The following NAALADL2 variants were observed in gnomAD, a reference collection of about 807,000 sequenced individuals.
The protein encoded by NAALADL2 is N-acetylated alpha-linked acidic dipeptidase like 2, also known as inactive N-acetylated-alpha-linked acidic dipeptidase-like protein 2.
In NAALADL2, 76 loss-of-function variants were observed where a neutral mutation model predicts 87.2. That is an observed-to-expected ratio of 0.87 (90% CI 0.72 to 1.05). The LOEUF (loss-of-function observed/expected upper bound fraction) is 1.05. Among genes scored for constraint, NAALADL2 ranks in the 50% least tolerant of loss-of-function variants. The probability of loss-of-function intolerance (pLI) is 0.00; values close to 1 mark genes in which losing one functional copy is unlikely to be tolerated. For synonymous variants in NAALADL2, 354 were observed against 331.0 expected (o/e 1.07, Z -0.75); for missense variants, 1,089 against 945.8 (o/e 1.15, Z -1.99).
At chr3:174,957,555 T>A (rs1560411690) in intron 1 of NAALADL2, among the ~76,000 whole-genome samples, 1 of 151,890 alleles carries the variant, frequency 6.6e-6, no homozygotes, top group African/African-American at 2.4e-5. Flanking sequence ...TTCTAGAGGC[T>A]GAGAAGGAAG....
chr3:174,804,648 C>G (rs953241970), intron 3 of NAALADL2, among the ~76,000 whole-genome samples: 2 of 151,822 alleles, frequency 1.3e-5, no homozygotes, highest in Admixed American at 6.6e-5. Context: ...TCCATCAATA[C>G]CTACAGAAAT....
chr3:175,474,064 A>G (rs1725286706), intron 9 of NAALADL2, among the ~76,000 whole-genome samples: 1 of 152,110 alleles, frequency 6.6e-6, no homozygotes, highest in Non-Finnish European at 1.5e-5. Context: ...CTATGCCAAT[A>G]TCTGTTTTTT....
At chr3:174,726,763 C>G (rs1732231597) in intron 2 of NAALADL2, among the ~76,000 whole-genome samples, 1 of 152,082 alleles carries the variant, frequency 6.6e-6, no homozygotes, top group East Asian at 1.9e-4. Context: ...TTCTCAGTGG[C>G]TCATCTTCAC....
intron 13 of NAALADL2, among the ~76,000 whole-genome samples, chr3:175,757,022 G>A (rs1022776574): frequency 5.3e-5 from 8 of 151,382 alleles, no homozygotes; most frequent in Non-Finnish European, 1.0e-4. Flanking sequence ...GTGTGTGTTT[G>A]TGTGTATGTG....
At chr3:175,067,479 C>T (rs755902103) in intron 1 of NAALADL2, among the ~76,000 whole-genome samples, 4 of 152,010 alleles carry the variant, frequency 2.6e-5, no homozygotes, top group Admixed American at 6.6e-5. Flanking sequence ...GGCCAACAGA[C>T]GTATGAAAAC....
At chr3:175,457,918 G>C (rs544145487) in intron 6 of NAALADL2, among the ~76,000 whole-genome samples, 2 of 151,926 alleles carry the variant, frequency 1.3e-5, no homozygotes, top group South Asian at 2.1e-4. Context: ...ACACATGCCA[G>C]TATTGAGTCA....
intron 5 of NAALADL2, among the ~76,000 whole-genome samples, chr3:175,378,202 C>G (rs1203716053): frequency 6.6e-6 from 1 of 151,694 alleles, no homozygotes; most frequent in East Asian, 1.9e-4. Flanking sequence ...AGCACTCACC[C>G]TGGCTCCTGC....
At chr3:174,776,205 C>T (rs1715193653) in intron 3 of NAALADL2, among the ~76,000 whole-genome samples, 1 of 151,928 alleles carries the variant, frequency 6.6e-6, no homozygotes, top group Admixed American at 6.6e-5. Context: ...AATAAAACAG[C>T]CCAATACCTC....
chr3:175,004,680 C>T (rs1748771907), intron 1 of NAALADL2, among the ~76,000 whole-genome samples: 1 of 151,986 alleles, frequency 6.6e-6, no homozygotes, highest in Non-Finnish European at 1.5e-5. Flanking sequence ...GTAAGTGGCT[C>T]AGATAGTGAC....
intron 3 of NAALADL2, among the ~76,000 whole-genome samples, chr3:174,738,871 C>A (rs953839054): frequency 6.6e-6 from 1 of 151,764 alleles, no homozygotes; most frequent in Admixed American, 6.6e-5. Context: ...ACTTTTTGAC[C>A]ATAAAATGCA....
At chr3:175,161,632 G>A (rs1225497511) in intron 2 of NAALADL2, among the ~76,000 whole-genome samples, 3 of 47,880 alleles carry the variant, frequency 6.3e-5, no homozygotes, top group South Asian at 7.4e-4. Flanking sequence ...CCCCCCGCCC[G>A]TCCCACCCTA....
Position 175,576,135 on chromosome 3 carries a change from A to G in NAALADL2, c.1748A>G (p.His583Arg), listed in dbSNP as rs1718850028. 3.7e-6 allele frequency: 6 copies of G among 1,613,902 alleles called. No individual in the cohort carries two copies. The highest frequency in any genetic ancestry group is 4.2e-6 in the Non-Finnish European group (5 of 1,179,812). ...GGTGATGCTGATTATTTCATCAACCATCTTGGAGTTCCCATCGTGCAGTTT... is the reference window on the plus strand; with the variant it reads ...GGTGATGCTGATTATTTCATCAACCGTCTTGGAGTTCCCATCGTGCAGTTT... ...IQGDADYFINHLGVPIVQFAY... is the reference protein window; with the variant it reads ...IQGDADYFINRLGVPIVQFAY... The change falls in exon 10 of 14, where the codon CAT (histidine) becomes CGT (arginine). Residue 583 changes from histidine to arginine, a missense_variant. Physicochemically the swap from His to Arg is conservative, Grantham distance 29. Coordinates refer to ENST00000454872, the MANE Select transcript of NAALADL2 (RefSeq NM_207015.3).
At chr3:175,448,869 TA>T (rs1721097474) in intron 6 of NAALADL2, among the ~76,000 whole-genome samples, 1 of 151,652 alleles carries the variant, frequency 6.6e-6, no homozygotes, top group African/African-American at 2.4e-5. Context: ...GCCACCACAC[TA>T]GACTAATTTA....
rs142092289 is a variant in NAALADL2, at chr3:174,802,201, A to T, written c.-9+64455A>T. Reference sequence around the variant, plus strand: ...CTCTATTTCTTACAAACCCATGCCAAGTGTCAAGGTTACAATGTAAACAAA... The same window carrying T: ...CTCTATTTCTTACAAACCCATGCCATGTGTCAAGGTTACAATGTAAACAAA... On this transcript the variant is annotated intron_variant, in intron 3 of 3. Coordinates refer to the NAALADL2 transcript ENST00000434257. 9.3e-3 allele frequency among the ~76,000 whole-genome samples: 1,417 copies of T among 152,190 alleles called. 12 individuals are homozygous for T. The highest frequency in any genetic ancestry group is 0.027 in the Middle Eastern group (8 of 294).
chr3:175,411,755 G>C (rs566587477), intron 5 of NAALADL2, among the ~76,000 whole-genome samples: 1 of 152,024 alleles, frequency 6.6e-6, no homozygotes, highest in Admixed American at 6.6e-5. Flanking sequence ...TTTTAATTTT[G>C]TCTGGTAATG....
rs188096405 is a variant in NAALADL2, at chr3:175,667,861, G to A, written c.1896+40475G>A. 3.5e-3 allele frequency among the ~76,000 whole-genome samples: 521 copies of A among 148,422 alleles called. 5 individuals are homozygous for A. Among genetic ancestry groups the A allele is most frequent in the African/African-American group, 0.013 (509 of 40,342 alleles). ...TGAGAATGTCTGTTTGAATTGTTCTGTTTAGTGGTTTTAATACTCTTAAAA... is the reference window on the plus strand; with the variant it reads ...TGAGAATGTCTGTTTGAATTGTTCTATTTAGTGGTTTTAATACTCTTAAAA... On this transcript the variant is annotated intron_variant, in intron 11 of 13. Transcript: ENST00000454872.
In NAALADL2 at chr3:175,662,070, T is replaced by G. The variant is rs189386437; in HGVS notation, c.1896+34684T>G. 3.3e-5 allele frequency among the ~76,000 whole-genome samples: 5 copies of G among 152,068 alleles called. No individual in the cohort carries two copies. The East Asian group carries it at 9.7e-4, about 29-fold the overall frequency. On this transcript the variant is annotated intron_variant, in intron 11 of 13. Transcript: ENST00000454872. The stretch of plus-strand genomic sequence containing the variant: ...TTTTTCATTGAAGCTGTAGATTACC[T>G]TGGGTAGGATAGACATTGTAATGAT...
At chr3:174,979,306 T>TTTC (rs1293255406) in intron 1 of NAALADL2, among the ~76,000 whole-genome samples, 2 of 138,480 alleles carry the variant, frequency 1.4e-5, no homozygotes, top group Non-Finnish European at 1.6e-5. Context: ...TTTCTTTTCT[T>TTTC]TTTTTTTTTT....
chr3:174,755,079 T>C (rs1711856367), intron 3 of NAALADL2, among the ~76,000 whole-genome samples: 1 of 152,184 alleles, frequency 6.6e-6, no homozygotes, highest in African/African-American at 2.4e-5. Flanking sequence ...TGGAGGTGAT[T>C]GGATCATGGA....
Sources: gnomAD v4.1 joint callset for allele counts (sites outside exome capture counted in the v4.1 genomes callset) on GRCh38, gnomAD v4.1.1 for gene constraint, MANE v1.5 for transcripts, NCBI Gene and HGNC (gene_info 2026-07-23, HGNC 2026-07-21) for gene names.